The following CFTR variants were observed in gnomAD, a reference collection of about 807,000 sequenced individuals.
The protein encoded by CFTR is CF transmembrane conductance regulator.
In CFTR, 181 loss-of-function variants were observed where a neutral mutation model predicts 171.6. That is an observed-to-expected ratio of 1.05 (90% CI 0.93 to 1.19). CFTR has a LOEUF of 1.19. Ranked by LOEUF, CFTR falls within the 50% of genes most tolerant of loss-of-function variation. The pLI is 0.00. For missense variants in CFTR, 1,968 were observed against 1,734.7 expected (o/e 1.13, Z -2.39); for synonymous variants, 583 against 608.0 (o/e 0.96, Z 0.60).
chr7:117,621,241 T>A (rs1252391858), intron 21 of CFTR, among the ~76,000 whole-genome samples: 1 of 152,208 alleles, frequency 6.6e-6, no homozygotes, highest in Non-Finnish European at 1.5e-5. Context: ...GATTCTAGCG[T>A]GTATCAAGCA....
intron 1 of CFTR, among the ~76,000 whole-genome samples, chr7:117,502,217 GGAAAGTT>G (rs1293105020): frequency 6.6e-6 from 1 of 152,162 alleles, no homozygotes; most frequent in Non-Finnish European, 1.5e-5. Flanking sequence ...TCTTAAATAG[GGAAAGTT>G]GAACATGGTA....
intron 21 of CFTR, among the ~76,000 whole-genome samples, chr7:117,622,851 C>T (rs1475969198): frequency 1.3e-5 from 2 of 152,140 alleles, no homozygotes; most frequent in Non-Finnish European, 2.9e-5. Context: ...GAATTGTTTT[C>T]TTCTTGGCTT....
chr7:117,597,232 C>T (rs762569840), intron 15 of CFTR, among the ~76,000 whole-genome samples: 10 of 152,170 alleles, frequency 6.6e-5, no homozygotes, highest in Non-Finnish European at 1.3e-4. Flanking sequence ...AGCGAGATCA[C>T]GAACCCACCA....
intron 13 of CFTR, among the ~76,000 whole-genome samples, chr7:117,590,949 C>T (rs1434978996): frequency 6.6e-6 from 1 of 151,974 alleles, no homozygotes; most frequent in Non-Finnish European, 1.5e-5. Flanking sequence ...CTTGGAACTC[C>T]TGTTAGGGTC....
intron 23 of CFTR, among the ~76,000 whole-genome samples, chr7:117,648,292 T>G (rs531448412): frequency 8.6e-5 from 13 of 151,954 alleles, no homozygotes; most frequent in Non-Finnish European, 1.3e-4. Flanking sequence ...CCAGCCAAAC[T>G]GCTTTATTGT....
chr7:117,663,509 TAAA>T (rs71148372), intron 24 of CFTR, among the ~76,000 whole-genome samples: 13 of 124,382 alleles, frequency 1.0e-4, no homozygotes, highest in Non-Finnish European at 1.5e-4. Flanking sequence ...CTTGTCCAGC[TAAA>T]AAAAAAAAAA....
At chr7:117,507,746 G>A (rs1197286858) in intron 2 of CFTR, among the ~76,000 whole-genome samples, 1 of 152,162 alleles carries the variant, frequency 6.6e-6, no homozygotes, top group Non-Finnish European at 1.5e-5. Flanking sequence ...TGCCAGGCTT[G>A]TCTTCAAATC....
chr7:117,519,685 T>C lies in CFTR; in HGVS notation c.273+10543T>C, dbSNP rs568531203. On this transcript the variant is annotated intron_variant, in intron 3 of 26. Coordinates refer to ENST00000003084, the MANE Select transcript of CFTR (RefSeq NM_000492.4). ...AAGGGGAGAAGTCATCATTACATAA[T>C]GTGCATATTAATCTGCTTCTCCCTT... Among the ~76,000 whole-genome samples the C allele has an allele frequency of 5.7e-4, 87 of 152,156 alleles. 2 individuals carry two copies. The South Asian group carries it at 0.015, about 26-fold the overall frequency.
At chr7:117,653,586 G>A (rs765872237) in intron 24 of CFTR, among the ~76,000 whole-genome samples, 1 of 152,112 alleles carries the variant, frequency 6.6e-6, no homozygotes, top group Non-Finnish European at 1.5e-5. Flanking sequence ...CTATCACCTT[G>A]GGGGTTAGGA....
rs146805981 is a variant in CFTR at position 117,509,254 on chromosome 7, C to A, written c.273+112C>A. 6.4e-5 allele frequency: 47 copies of A among 738,138 alleles called. No homozygotes were observed. In the African/African-American group the frequency reaches 8.2e-4, roughly 13 times the overall value. 45.7% of individuals were successfully genotyped at this position (738,138 alleles called of 1,614,324 possible). On this transcript the variant is annotated intron_variant, in intron 3 of 26. Coordinates refer to ENST00000003084, the MANE Select transcript of CFTR (RefSeq NM_000492.4). ...AGGTGTAAAAATATAAAGGATGAATCCAACTCCAAACACTAAGAAACCACC... is the reference window on the plus strand; with the variant it reads ...AGGTGTAAAAATATAAAGGATGAATACAACTCCAAACACTAAGAAACCACC...
chr7:117,534,347 C>T lies in CFTR; in HGVS notation c.561C>T (p.Asn187=), dbSNP rs397508754. 6.3e-7 allele frequency: 1 copy of T among 1,581,686 alleles called. No individual in the cohort carries two copies. The highest frequency in any genetic ancestry group is 1.1e-5 in the South Asian group (1 of 90,412). ...AACTTGTTAGTCTCCTTTCCAACAACCTGAACAAATTTGATGAAGTATGTA... is the reference window on the plus strand; with the variant it reads ...AACTTGTTAGTCTCCTTTCCAACAATCTGAACAAATTTGATGAAGTATGTA... ...IGQLVSLLSN[N]LNKFDEGLAL... is the part of the protein sequence containing the mutation. The change falls in exon 5 of 27, where the codon AAC becomes AAT. Residue 187 remains asparagine, a synonymous_variant. Coordinates refer to ENST00000003084, the MANE Select transcript of CFTR (RefSeq NM_000492.4).
rs141861373 is a variant in CFTR, at chr7:117,610,709, C to T, written c.3139+40C>T. 47 of 1,604,656 alleles carry T rather than the reference C, an allele frequency of 2.9e-5. No homozygotes were observed. In the African/African-American group the frequency reaches 5.9e-4, roughly 20 times the overall value. Reference sequence around the variant, plus strand: ...GTGCGATACTCATCTTGTAAAAAAGCTATAAGAGCTATTTGAGATTCTTTA... The same window carrying T: ...GTGCGATACTCATCTTGTAAAAAAGTTATAAGAGCTATTTGAGATTCTTTA... On this transcript the variant is annotated intron_variant, in intron 19 of 26. Coordinates refer to ENST00000003084, the MANE Select transcript of CFTR (RefSeq NM_000492.4).
intron 10 of CFTR, among the ~76,000 whole-genome samples, chr7:117,557,853 T>G (rs1799385109): frequency 6.6e-6 from 1 of 152,186 alleles, no homozygotes; most frequent in Non-Finnish European, 1.5e-5. Flanking sequence ...AAAACTGACT[T>G]ATATACTTTT....
At chr7:117,586,575 T>A (rs1791936992) in intron 11 of CFTR, among the ~76,000 whole-genome samples, 1 of 152,178 alleles carries the variant, frequency 6.6e-6, no homozygotes, top group South Asian at 2.1e-4. Flanking sequence ...AAAGTCCTAT[T>A]TATGTCCATA....
At chr7:117,609,283 T>C (rs997027563) in intron 18 of CFTR, among the ~76,000 whole-genome samples, 5 of 152,198 alleles carry the variant, frequency 3.3e-5, no homozygotes, top group Non-Finnish European at 5.9e-5. Context: ...CAGACACTTA[T>C]CTTGAAGGGT....
At chr7:117,580,057 G>A (rs887643799) in intron 11 of CFTR, among the ~76,000 whole-genome samples, 4 of 151,756 alleles carry the variant, frequency 2.6e-5, no homozygotes, top group African/African-American at 9.7e-5. Flanking sequence ...AAAAAAGATA[G>A]CAAACAAATA....
chr7:117,501,064 A>T (rs1798318129), intron 1 of CFTR, among the ~76,000 whole-genome samples: 1 of 152,134 alleles, frequency 6.6e-6, no homozygotes, highest in African/African-American at 2.4e-5. Context: ...GATTGAGGAG[A>T]TTTATTTTTA....
chr7:117,637,329 G>A (rs1289705696), intron 22 of CFTR, among the ~76,000 whole-genome samples: 2 of 151,760 alleles, frequency 1.3e-5, no homozygotes, highest in African/African-American at 2.4e-5. Context: ...GTAATGTACT[G>A]GTAGGTGTAG....
At chr7:117,612,042 T>TATATATAC (rs1792411552) in intron 20 of CFTR, among the ~76,000 whole-genome samples, 1 of 74,928 alleles carries the variant, frequency 1.3e-5, no homozygotes, top group African/African-American at 5.7e-5. Context: ...TATATATATA[T>TATATATAC]ATATATATAT....
Sources: gnomAD v4.1 joint callset for allele counts (sites outside exome capture counted in the v4.1 genomes callset) on GRCh38, gnomAD v4.1.1 for gene constraint, MANE v1.5 for transcripts, NCBI Gene and HGNC (gene_info 2026-07-23, HGNC 2026-07-21) for gene names.